The following ABCB1 variants were observed in gnomAD, a reference collection of about 807,000 sequenced individuals.
ABCB1 encodes the protein ATP binding cassette subfamily B member 1, also known as ATP-dependent translocase ABCB1.
A neutral mutation model predicts 142.0 loss-of-function variants in ABCB1; 69 were observed. That is an observed-to-expected ratio of 0.49 (90% CI 0.40 to 0.59). The LOEUF (loss-of-function observed/expected upper bound fraction) is 0.59, where lower values mean the gene tolerates loss of function less well. ABCB1 is among the 20% of genes least tolerant of loss of function. ABCB1 has a pLI of 0.00. For synonymous variants in ABCB1, 532 were observed against 539.2 expected (o/e 0.99, Z 0.18); for missense variants, 1,326 against 1,554.7 (o/e 0.85, Z 2.47).
At chr7:87,635,954 T>C (rs1358646999) in intron 1 of ABCB1, among the ~76,000 whole-genome samples, 1 of 152,254 alleles carries the variant, frequency 6.6e-6, no homozygotes, top group African/African-American at 2.4e-5. Flanking sequence ...CTGTATCTTA[T>C]TCCATTGGAT....
chr7:87,634,403 C>T (rs1332834016), intron 1 of ABCB1, among the ~76,000 whole-genome samples: 5 of 150,002 alleles, frequency 3.3e-5, no homozygotes, highest in African/African-American at 4.9e-5. Context: ...AGATGGATCA[C>T]CTGAGGTCAA....
chr7:87,567,480 A>G (rs1344892584), intron 5 of ABCB1, among the ~76,000 whole-genome samples: 1 of 152,202 alleles, frequency 6.6e-6, no homozygotes, highest in Non-Finnish European at 1.5e-5. Flanking sequence ...TGGGGATGAA[A>G]AGAAGTGACA....
chr7:87,583,499 C>T (rs1032381421), intron 4 of ABCB1, among the ~76,000 whole-genome samples: 7 of 152,168 alleles, frequency 4.6e-5, no homozygotes, highest in Non-Finnish European at 8.8e-5. Context: ...CTGGCAAGGA[C>T]TGCAATGTGA....
intron 26 of ABCB1, 108 bp from the exon 27 acceptor site, chr7:87,506,151 T>A: frequency 1.7e-6 from 2 of 1,164,604 alleles, no homozygotes; most frequent in South Asian, 2.7e-5. Context: ...AAATTTAGGT[T>A]CAGAAGCTAA....
intron 7 of ABCB1, 53 bp from the exon 8 acceptor site, chr7:87,561,440 T>C: frequency 6.6e-7 from 1 of 1,520,790 alleles, no homozygotes; most frequent in Non-Finnish European, 9.0e-7. Flanking sequence ...ATTTTATCTT[T>C]TGTAAAGTAA....
intron 1 of ABCB1, among the ~76,000 whole-genome samples, chr7:87,661,244 A>C (rs1824681035): frequency 6.6e-6 from 1 of 151,842 alleles, no homozygotes; most frequent in African/African-American, 2.4e-5. Flanking sequence ...TCAAGCATTC[A>C]TTTTTTTGCA....
rs1823635246 is a variant in ABCB1, at chr7:87,652,092, T to C, written c.-330-51014A>G. 3.9e-5 allele frequency among the ~76,000 whole-genome samples: 6 copies of C among 152,262 alleles called. No individual in the cohort carries two copies. The South Asian group carries it at 8.3e-4, about 21-fold the overall frequency. On this transcript the variant is annotated intron_variant, in intron 1 of 28. Coordinates refer to the ABCB1 transcript ENST00000265724. The stretch of plus-strand genomic sequence containing the variant: ...TAGATACTATATTGTGTGATGATCG[T>C]ATTTTTAAATTTTATGCATAAATTT...
intron 1 of ABCB1, among the ~76,000 whole-genome samples, chr7:87,648,989 A>G (rs1455257801): frequency 6.6e-6 from 1 of 152,046 alleles, no homozygotes; most frequent in African/African-American, 2.4e-5. Flanking sequence ...CGGATTGAAT[A>G]GCATAACTAT....
At chr7:87,581,210 G>A (rs576128898) in intron 4 of ABCB1, among the ~76,000 whole-genome samples, 1 of 152,088 alleles carries the variant, frequency 6.6e-6, no homozygotes, top group South Asian at 2.1e-4. Flanking sequence ...TCCCACCTCA[G>A]CCTCTCCAAT....
intron 14 of ABCB1, 145 bp downstream of exon 14, chr7:87,549,203 G>A (rs1346201135): frequency 3.6e-6 from 3 of 839,620 alleles, no homozygotes; most frequent in Non-Finnish European, 3.7e-6. Context: ...ATTTCAAAGA[G>A]GCCCAATGCT....
At chr7:87,678,127 A>G (rs1826563705) in intron 1 of ABCB1, among the ~76,000 whole-genome samples, 1 of 152,218 alleles carries the variant, frequency 6.6e-6, no homozygotes, top group Non-Finnish European at 1.5e-5. Flanking sequence ...GAAACTGTGA[A>G]TATCTAAATA....
chr7:87,544,881 C>A lies in ABCB1; in HGVS notation c.2006G>T (p.Arg669Leu), dbSNP rs146703713. ...GGCTTGTGATCCACGGACACTCCTA[C>A]GAGTTGATCTTTTTCTTATTAGACT... ...RSSLIRKRST[R>L]RSVRGSQAQD... The change falls in exon 16 of 28, where the codon CGT (arginine) becomes CTT (leucine). Residue 669 changes from arginine to leucine, a missense_variant. By Grantham distance (102) the Arg-to-Leu change is moderately radical. Transcript: ENST00000622132. The A allele has an allele frequency of 4.5e-5, 73 of 1,613,972 alleles. No homozygotes were observed. Among genetic ancestry groups the A allele is most frequent in the Non-Finnish European group, 5.8e-5 (69 of 1,180,014 alleles).
rs1383214869 is a variant in ABCB1, at chr7:87,574,408, G to A, written c.287-4185C>T. 2.0e-5 allele frequency among the ~76,000 whole-genome samples: 3 copies of A among 152,100 alleles called. No homozygotes were observed. The East Asian group carries it at 5.8e-4, about 29-fold the overall frequency. On this transcript the variant is annotated intron_variant, in intron 4 of 27. Coordinates refer to ENST00000622132, the MANE Select transcript of ABCB1 (RefSeq NM_001348946.2). ...AGATTGGGTTTTTGCCACATTTACTGAAGAGGGACTCAAAATAGAAATTAT... is the reference window on the plus strand; with the variant it reads ...AGATTGGGTTTTTGCCACATTTACTAAAGAGGGACTCAAAATAGAAATTAT...
chr7:87,687,960 TG>T (rs1827633113), intron 1 of ABCB1, among the ~76,000 whole-genome samples: 1 of 152,180 alleles, frequency 6.6e-6, no homozygotes, highest in African/African-American at 2.4e-5. Context: ...CAACTTTTGT[TG>T]GAAAATGAGA....
intron 14 of ABCB1, among the ~76,000 whole-genome samples, chr7:87,548,947 A>G (rs1481252468): frequency 6.6e-6 from 1 of 151,976 alleles, no homozygotes; most frequent in African/African-American, 2.4e-5. Flanking sequence ...TTATATATGG[A>G]CCTTCAGGTT....
chr7:87,646,374 A>G (rs1823004556), intron 1 of ABCB1, among the ~76,000 whole-genome samples: 1 of 152,116 alleles, frequency 6.6e-6, no homozygotes. Flanking sequence ...ATCTTATCAG[A>G]CTGTTAAAGG....
intron 4 of ABCB1, among the ~76,000 whole-genome samples, chr7:87,584,957 CCA>C (rs575607109): frequency 9.3e-5 from 14 of 150,562 alleles, no homozygotes; most frequent in East Asian, 2.0e-4. Flanking sequence ...AAATACCCCC[CCA>C]CACACACACA....
At chr7:87,697,506 G>A (rs1189159369) in intron 1 of ABCB1, among the ~76,000 whole-genome samples, 1 of 152,206 alleles carries the variant, frequency 6.6e-6, no homozygotes, top group Non-Finnish European at 1.5e-5. Context: ...GATGATGGGA[G>A]TAAAGTTGGA....
At chr7:87,513,214 T>A (rs1050608061) in intron 25 of ABCB1, among the ~76,000 whole-genome samples, 4 of 147,450 alleles carry the variant, frequency 2.7e-5, no homozygotes, top group African/African-American at 1.0e-4. Context: ...TGCAGTGCTG[T>A]GATTTGGAAG....
Sources: allele counts gnomAD v4.1 joint callset (sites outside exome capture counted in the v4.1 genomes callset), GRCh38; gene constraint gnomAD v4.1.1; transcripts MANE v1.5; gene names NCBI Gene and HGNC (gene_info 2026-07-23, HGNC 2026-07-21).